ABI2: variants seen among roughly 807,000 people sequenced by gnomAD.
ABI2 encodes the protein abelson interactor 2.
In ABI2, 25 loss-of-function variants were observed where a neutral mutation model predicts 59.2. The observed-to-expected ratio is 0.42, with a 90% CI of 0.31 to 0.59. The LOEUF (loss-of-function observed/expected upper bound fraction) is 0.59. Ranked by LOEUF, ABI2 falls within the 20% of genes least tolerant of loss-of-function variation. The pLI, the probability that ABI2 is intolerant of heterozygous loss-of-function variation, is 0.14. For missense variants in ABI2, 545 were observed against 681.8 expected (o/e 0.80, Z 2.23); for synonymous variants, 213 against 235.5 (o/e 0.90, Z 0.87).
Position 203,394,749 on chromosome 2 carries a change from C to G in ABI2, c.628C>G (p.Pro210Ala). Residue 210 changes from proline to alanine, a missense_variant, in exon 6 of 12, where the codon CCA (proline) becomes GCA (alanine). Physicochemically the swap from Pro to Ala is conservative, Grantham distance 27. Coordinates refer to ENST00000261018, the MANE Select transcript of ABI2 (RefSeq NM_001375670.1). ...TLEPVRPPVV[P>A]NDYVPSPTRN... is the part of the protein sequence containing the mutation. ...GGAGCCAGTGCGTCCTCCAGTGGTA[C>G]CAAATGATTACGTACCTAGCCCAAC... The G allele has an allele frequency of 2.5e-6, 4 of 1,614,104 alleles. No homozygotes were observed. The highest frequency in any genetic ancestry group is 3.4e-6 in the Non-Finnish European group (4 of 1,180,014).
At chr2:203,347,157 G>A (rs538572692) in intron 1 of ABI2, among the ~76,000 whole-genome samples, 1 of 152,278 alleles carries the variant, frequency 6.6e-6, no homozygotes, top group East Asian at 1.9e-4. Flanking sequence ...TGTCCTAACA[G>A]GGTAAGGAGT....
chr2:203,425,360 G>A (rs565501712), intron 11 of ABI2, among the ~76,000 whole-genome samples: 5 of 152,044 alleles, frequency 3.3e-5, no homozygotes, highest in South Asian at 4.2e-4. Flanking sequence ...CCACCACCAC[G>A]CTTGGCTAAT....
At chr2:203,331,814 T>G (rs1383290694) in intron 1 of ABI2, among the ~76,000 whole-genome samples, 1 of 149,956 alleles carries the variant, frequency 6.7e-6, no homozygotes, top group Non-Finnish European at 1.5e-5. Flanking sequence ...TGTTCTTTTT[T>G]TTTTTTTTTT....
chr2:203,345,289 C>G (rs1038208135), intron 1 of ABI2, among the ~76,000 whole-genome samples: 1 of 152,102 alleles, frequency 6.6e-6, no homozygotes, highest in Non-Finnish European at 1.5e-5. Flanking sequence ...GTGGCTTCAC[C>G]CTGAAGTCAA....
intron 8 of ABI2, among the ~76,000 whole-genome samples, chr2:203,401,342 T>C (rs541871698): frequency 6.6e-6 from 1 of 152,174 alleles, no homozygotes; most frequent in South Asian, 2.1e-4. Flanking sequence ...CTCCACCTGC[T>C]TATTTCTCCG....
Position 203,394,684 on chromosome 2 carries a change from G to A in ABI2, c.579-16G>A, listed in dbSNP as rs1368274991. 2.5e-6 allele frequency: 4 copies of A among 1,612,534 alleles called. No individual in the cohort carries two copies. The highest frequency in any genetic ancestry group is 3.4e-6 in the Non-Finnish European group (4 of 1,179,434). On this transcript the variant is annotated splice_polypyrimidine_tract_variant and intron_variant, in intron 5 of 11. Coordinates refer to ENST00000261018, the MANE Select transcript of ABI2 (RefSeq NM_001375670.1). ...ACTTGCTTAATCATACAATACATAC[G>A]CTCTTCTTTTTGTAGGCGGCACTCC...
intron 5 of ABI2, 122 bp from the exon 6 acceptor site, chr2:203,394,578 G>C: frequency 1.1e-6 from 1 of 941,596 alleles, no homozygotes; most frequent in Non-Finnish European, 1.6e-6. Context: ...TGGTAGCTGG[G>C]TTATGTTAAA....
chr2:203,420,776 C>T (rs1020509807), intron 11 of ABI2, among the ~76,000 whole-genome samples: 2 of 152,044 alleles, frequency 1.3e-5, no homozygotes, highest in Non-Finnish European at 2.9e-5. Flanking sequence ...ATGAATAGTG[C>T]CATTAATTCT....
At chr2:203,406,097 A>C (rs2097415486) in intron 9 of ABI2, among the ~76,000 whole-genome samples, 1 of 152,230 alleles carries the variant, frequency 6.6e-6, no homozygotes, top group African/African-American at 2.4e-5. Flanking sequence ...TTTATCATTA[A>C]TCTTGCCAGT....
At chr2:203,340,944 C>T (rs1184196708) in intron 1 of ABI2, among the ~76,000 whole-genome samples, 1 of 152,212 alleles carries the variant, frequency 6.6e-6, no homozygotes, top group Non-Finnish European at 1.5e-5. Context: ...GTTCACTCAA[C>T]TTCAGCCACT....
chr2:203,421,449 G>A (rs914186049), intron 11 of ABI2, among the ~76,000 whole-genome samples: 3 of 152,186 alleles, frequency 2.0e-5, no homozygotes, highest in Non-Finnish European at 4.4e-5. Context: ...AGAGCCACCT[G>A]ATTTGCAAAC....
intron 1 of ABI2, among the ~76,000 whole-genome samples, chr2:203,346,643 T>C (rs546048914): frequency 9.8e-5 from 15 of 152,344 alleles, no homozygotes; most frequent in African/African-American, 3.4e-4. Flanking sequence ...TGTAAACTTG[T>C]GCTGTTCTCT....
intron 9 of ABI2, among the ~76,000 whole-genome samples, chr2:203,410,690 G>A (rs1029742364): frequency 2.0e-5 from 3 of 152,150 alleles, no homozygotes; most frequent in African/African-American, 7.2e-5. Flanking sequence ...TGTTTTCCTA[G>A]CAGGTGTTTG....
At chr2:203,420,336 A>G (rs1041394793) in intron 11 of ABI2, among the ~76,000 whole-genome samples, 4 of 151,762 alleles carry the variant, frequency 2.6e-5, no homozygotes, top group Non-Finnish European at 5.9e-5. Flanking sequence ...AGCTAGAAGT[A>G]TAAATGATAT....
chr2:203,343,745 A>G (rs2081453407), intron 1 of ABI2, among the ~76,000 whole-genome samples: 1 of 152,214 alleles, frequency 6.6e-6, no homozygotes, highest in Non-Finnish European at 1.5e-5. Context: ...TTCTGACAAA[A>G]ATATGTTAAT....
At chr2:203,336,271 G>A (rs986533738) in intron 1 of ABI2, among the ~76,000 whole-genome samples, 4 of 152,186 alleles carry the variant, frequency 2.6e-5, no homozygotes, top group Non-Finnish European at 4.4e-5. Context: ...TTGTATACAG[G>A]TGTTGGTGCA....
At chr2:203,426,559 T>C (rs909794123) in intron 11 of ABI2, among the ~76,000 whole-genome samples, 3 of 152,132 alleles carry the variant, frequency 2.0e-5, no homozygotes, top group African/African-American at 7.2e-5. Flanking sequence ...ATTAAATTGG[T>C]GACATAGTGC....
At chr2:203,395,432 A>AATATATAT (rs375911001) in intron 6 of ABI2, among the ~76,000 whole-genome samples, 7,638 of 112,990 alleles carry the variant, frequency 0.068, 444 homozygotes, top group Middle Eastern at 0.11. Flanking sequence ...TTAATAAGTA[A>AATATATAT]ATATATATAT....
intron 1 of ABI2, among the ~76,000 whole-genome samples, chr2:203,336,343 A>G (rs1214469329): frequency 2.6e-5 from 4 of 152,212 alleles, no homozygotes; most frequent in Non-Finnish European, 5.9e-5. Context: ...TACCCTGGTA[A>G]CAGTGGATGT....
Sources: allele counts gnomAD v4.1 joint callset (sites outside exome capture counted in the v4.1 genomes callset), GRCh38; gene constraint gnomAD v4.1.1; transcripts MANE v1.5; gene names NCBI Gene and HGNC (gene_info 2026-07-23, HGNC 2026-07-21).